CFAP299: variants seen among roughly 807,000 people sequenced by gnomAD.
The protein encoded by CFAP299 is cilia- and flagella-associated protein 299.
A neutral mutation model predicts 27.0 loss-of-function variants in CFAP299; 21 were observed. The ratio of observed to expected loss-of-function variants is 0.78; its 90% CI spans 0.55 to 1.12. The LOEUF (loss-of-function observed/expected upper bound fraction) is 1.12. Ranked by LOEUF, CFAP299 falls within the 50% of genes most tolerant of loss-of-function variation. CFAP299 has a pLI of 0.00. For missense variants in CFAP299, 310 were observed against 276.6 expected (o/e 1.12, Z -0.86); for synonymous variants, 104 against 98.1 (o/e 1.06, Z -0.36).
intron 4 of CFAP299, among the ~76,000 whole-genome samples, chr4:80,920,408 A>T (rs1735986869): frequency 6.6e-6 from 1 of 152,096 alleles, no homozygotes; most frequent in Non-Finnish European, 1.5e-5. Context: ...GCTTCATTAT[A>T]CTTCACTGTA....
chr4:80,670,366 A>C (rs1741406678), intron 3 of CFAP299, among the ~76,000 whole-genome samples: 1 of 152,132 alleles, frequency 6.6e-6, no homozygotes, highest in African/African-American at 2.4e-5. Flanking sequence ...CATGTGCCAC[A>C]ATTTCTTAAG....
intron 3 of CFAP299, among the ~76,000 whole-genome samples, chr4:80,617,317 T>A (rs1738342239): frequency 6.6e-6 from 1 of 152,170 alleles, no homozygotes; most frequent in East Asian, 1.9e-4. Context: ...CAAAATTGTG[T>A]TAGATGTTAT....
At chr4:80,805,687 G>C (rs1421010688) in intron 3 of CFAP299, among the ~76,000 whole-genome samples, 1 of 151,582 alleles carries the variant, frequency 6.6e-6, no homozygotes, top group Non-Finnish European at 1.5e-5. Context: ...TCTACAAAAA[G>C]TAAAAAAATA....
chr4:80,406,771 C>G (rs1726447547), intron 2 of CFAP299, among the ~76,000 whole-genome samples: 1 of 152,106 alleles, frequency 6.6e-6, no homozygotes, highest in Non-Finnish European at 1.5e-5. Flanking sequence ...TAATATGCAA[C>G]TTGTTGATTA....
At chr4:80,658,238 G>T (rs1459515787) in intron 3 of CFAP299, among the ~76,000 whole-genome samples, 1 of 152,090 alleles carries the variant, frequency 6.6e-6, no homozygotes, top group Non-Finnish European at 1.5e-5. Flanking sequence ...TATCTTGCCT[G>T]ATTGCCCTGG....
rs184029788 is a variant in CFAP299, at chr4:80,350,700, A to T, written c.112-12054A>T. On this transcript the variant is annotated intron_variant, in intron 1 of 5. Coordinates refer to ENST00000358105, the MANE Select transcript of CFAP299 (RefSeq NM_152770.3). ...ACACAGGAACAGAAAACCAAACACC[A>T]CATGTTCTCACTAATAAGTGGGAGC... Among the ~76,000 whole-genome samples, 216 of 152,176 alleles carry T rather than the reference A, an allele frequency of 1.4e-3. 1 individual carries two copies. The South Asian group carries it at 0.026, about 19-fold the overall frequency.
intron 4 of CFAP299, among the ~76,000 whole-genome samples, chr4:80,927,480 T>G (rs1736365036): frequency 6.6e-6 from 1 of 152,112 alleles, no homozygotes; most frequent in Non-Finnish European, 1.5e-5. Context: ...TGGCTTAAAA[T>G]GACACTCATT....
chr4:80,511,384 T>C (rs1341747102), intron 2 of CFAP299, among the ~76,000 whole-genome samples: 1 of 152,184 alleles, frequency 6.6e-6, no homozygotes, highest in East Asian at 1.9e-4. Flanking sequence ...ACAATCCAGC[T>C]ATATTTAATG....
chr4:80,782,257 G>A (rs1043693755), intron 3 of CFAP299, among the ~76,000 whole-genome samples: 1 of 151,728 alleles, frequency 6.6e-6, no homozygotes, highest in African/African-American at 2.4e-5. Flanking sequence ...CATCCCTCTT[G>A]CTGGAAACAA....
chr4:80,647,261 T>C (rs2109965456), intron 3 of CFAP299, among the ~76,000 whole-genome samples: 1 of 152,260 alleles, frequency 6.6e-6, no homozygotes, highest in East Asian at 1.9e-4. Context: ...AATTAATTAA[T>C]GGAAGATTTC....
At chr4:80,577,579 T>C (rs1216571314) in intron 2 of CFAP299, among the ~76,000 whole-genome samples, 1 of 151,878 alleles carries the variant, frequency 6.6e-6, no homozygotes, top group African/African-American at 2.4e-5. Context: ...ATTTTTGTAT[T>C]TTTAGTAGAG....
intron 3 of CFAP299, among the ~76,000 whole-genome samples, chr4:80,632,972 T>A (rs141684379): frequency 1.1e-3 from 175 of 152,320 alleles, no homozygotes; most frequent in African/African-American, 3.9e-3. Flanking sequence ...ATTATGTGAT[T>A]TTTATTTGAT....
At chr4:80,563,217 A>T (rs927430437) in intron 2 of CFAP299, among the ~76,000 whole-genome samples, 21 of 152,106 alleles carry the variant, frequency 1.4e-4, no homozygotes, top group Admixed American at 7.2e-4. Context: ...TATGTATAGA[A>T]CATTTCATCA....
At position 80,963,586 on chromosome 4, in the gene CFAP299, G is replaced by T. The variant is rs201212606; in HGVS notation, c.676G>T (p.Asp226Tyr). 170 of 1,605,276 alleles carry T rather than the reference G, an allele frequency of 1.1e-4. No individual in the cohort carries two copies. Among genetic ancestry groups the T allele is most frequent in the South Asian group, 1.1e-5 (1 of 89,910 alleles). Residue 226 changes from aspartate (D) to tyrosine (Y), a missense_variant, in exon 6 of 6, where the codon GAC (aspartate) becomes TAC (tyrosine). Transcript: ENST00000358105. ...TELYVQAVIF[D>Y]HISRRKT ...ACTCTACGTACAAGCTGTCATTTTT[G>T]ACCACATTTCCAGAAGGAAGACTTA...
At chr4:80,345,701 T>A (rs1722694547) in intron 1 of CFAP299, among the ~76,000 whole-genome samples, 2 of 152,192 alleles carry the variant, frequency 1.3e-5, no homozygotes, top group South Asian at 4.1e-4. Flanking sequence ...TGGTTTCAAG[T>A]CTTTGCTTTT....
intron 3 of CFAP299, among the ~76,000 whole-genome samples, chr4:80,651,021 A>T (rs982886465): frequency 1.4e-4 from 21 of 152,108 alleles, no homozygotes; most frequent in Non-Finnish European, 2.8e-4. Context: ...AATAAAAAAA[A>T]TTAAAAAAAT....
intron 2 of CFAP299, among the ~76,000 whole-genome samples, chr4:80,408,911 T>C (rs35556319): frequency 6.6e-6 from 1 of 151,978 alleles, no homozygotes. Context: ...AATAAAATGG[T>C]TAAGTGGTAT....
intron 2 of CFAP299, among the ~76,000 whole-genome samples, chr4:80,546,096 T>C (rs371998811): frequency 5.9e-5 from 9 of 152,074 alleles, no homozygotes; most frequent in African/African-American, 2.2e-4. Context: ...GGAACATATC[T>C]CAAAATAATA....
intron 3 of CFAP299, among the ~76,000 whole-genome samples, chr4:80,592,257 A>ATATT (rs1736827499): frequency 6.6e-6 from 1 of 152,200 alleles, no homozygotes; most frequent in East Asian, 1.9e-4. Context: ...CTGCTATTGT[A>ATATT]CATAACTGAG....
Sources: allele counts gnomAD v4.1 joint callset (sites outside exome capture counted in the v4.1 genomes callset), GRCh38; gene constraint gnomAD v4.1.1; transcripts MANE v1.5; gene names NCBI Gene and HGNC (gene_info 2026-07-23, HGNC 2026-07-21).